The following CTNND2 variants were observed in gnomAD, a reference collection of about 807,000 sequenced individuals.
The protein encoded by CTNND2 is catenin delta 2.
In CTNND2, 22 loss-of-function variants were observed where a neutral mutation model predicts 144.4. That is an observed-to-expected ratio of 0.15 (90% CI 0.11 to 0.22). CTNND2 has a LOEUF of 0.22. Ranked by LOEUF, CTNND2 falls within the 10% of genes least tolerant of loss-of-function variation. The probability of loss-of-function intolerance (pLI) is 1.00; values close to 1 mark genes in which losing one functional copy is unlikely to be tolerated. For synonymous variants in CTNND2, 751 were observed against 695.6 expected (o/e 1.08, Z -1.25); for missense variants, 1,353 against 1,618.8 (o/e 0.84, Z 2.82).
intron 3 of CTNND2, among the ~76,000 whole-genome samples, chr5:11,414,633 C>A (rs141763519): frequency 2.2e-4 from 34 of 152,216 alleles, no homozygotes; most frequent in African/African-American, 6.7e-4. Flanking sequence ...GGGATCCATG[C>A]GAAGGTTTGT....
chr5:11,019,920 G>A (rs183968127), intron 17 of CTNND2, among the ~76,000 whole-genome samples: 12 of 152,324 alleles, frequency 7.9e-5, no homozygotes, highest in Non-Finnish European at 1.6e-4. Flanking sequence ...TGTCCATAAT[G>A]TATGTTTAAA....
At chr5:11,051,016 C>A (rs1745776078) in intron 16 of CTNND2, among the ~76,000 whole-genome samples, 1 of 152,206 alleles carries the variant, frequency 6.6e-6, no homozygotes, top group African/African-American at 2.4e-5. Flanking sequence ...AATGGCCAGC[C>A]CCCTTGCTAT....
intron 16 of CTNND2, among the ~76,000 whole-genome samples, chr5:11,056,335 T>C (rs1746348771): frequency 6.6e-6 from 1 of 152,132 alleles, no homozygotes; most frequent in Non-Finnish European, 1.5e-5. Context: ...TATTGAAAAA[T>C]GAGATGTAGA....
At chr5:11,115,139 C>A (rs1753415471) in intron 13 of CTNND2, among the ~76,000 whole-genome samples, 1 of 152,166 alleles carries the variant, frequency 6.6e-6, no homozygotes, top group African/African-American at 2.4e-5. Flanking sequence ...TGACTCCAGC[C>A]CTGAATACTC....
In CTNND2 at chr5:11,436,373, A is replaced by G. The variant is rs77780255; in HGVS notation, c.288-24304T>C. On this transcript the variant is annotated intron_variant, in intron 3 of 21. Transcript: ENST00000304623. ...TTAGAGCAATTTCTCAATGAGGAAG[A>G]ACCTTCTAAGTCCAGAATCTGATGT... is the stretch of plus-strand genomic sequence containing the variant. 1.8e-3 allele frequency among the ~76,000 whole-genome samples: 267 copies of G among 152,356 alleles called. 5 individuals carry two copies. The East Asian group carries it at 0.039, about 22-fold the overall frequency.
At chr5:11,814,414 C>T (rs947765834) in intron 1 of CTNND2, among the ~76,000 whole-genome samples, 1 of 152,192 alleles carries the variant, frequency 6.6e-6, no homozygotes, top group African/African-American at 2.4e-5. Context: ...CACTGATGGA[C>T]GTATTAACAC....
Position 11,881,231 on chromosome 5 carries a change from G to A in CTNND2, c.37+22586C>T, listed in dbSNP as rs773416460. Among the ~76,000 whole-genome samples the A allele has an allele frequency of 6.4e-4, 97 of 152,018 alleles. 1 individual carries two copies. Among genetic ancestry groups the A allele is most frequent in the Admixed American group, 1.7e-3 (26 of 15,272 alleles). ...TGCTATTTCAATACATGTATACAATGTGTAGTGATCAAATTAGAGTAACTG... is the reference window on the plus strand; with the variant it reads ...TGCTATTTCAATACATGTATACAATATGTAGTGATCAAATTAGAGTAACTG... On this transcript the variant is annotated intron_variant, in intron 1 of 21. Transcript: ENST00000304623.
At chr5:11,848,434 G>A (rs561493899) in intron 1 of CTNND2, among the ~76,000 whole-genome samples, 11 of 152,252 alleles carry the variant, frequency 7.2e-5, no homozygotes, top group African/African-American at 2.6e-4. Context: ...TTAATATAGT[G>A]CGTTTGATGT....
At position 11,350,393 on chromosome 5, in the gene CTNND2, T is replaced by G. The variant is rs1281956902; in HGVS notation, c.1373-3766A>C. ...TATATATAATTATCTTAATTTTATT[T>G]TAAACTGTTTTACATTTTAGTTTAA... On this transcript the variant is annotated intron_variant, in intron 8 of 21. Transcript: ENST00000304623. 2.0e-5 allele frequency among the ~76,000 whole-genome samples: 3 copies of G among 151,880 alleles called. No homozygotes were observed. In the East Asian group the frequency reaches 5.8e-4, roughly 29 times the overall value.
intron 3 of CTNND2, among the ~76,000 whole-genome samples, chr5:11,535,187 TAAAA>T (rs11398798): frequency 1.5e-5 from 2 of 133,734 alleles, no homozygotes; most frequent in Non-Finnish European, 3.3e-5. Context: ...TACTCTGTCT[TAAAA>T]AAAAAAAAAA....
intron 1 of CTNND2, among the ~76,000 whole-genome samples, chr5:11,767,229 A>G (rs933808254): frequency 6.6e-5 from 10 of 152,224 alleles, no homozygotes; most frequent in African/African-American, 2.2e-4. Context: ...TGTGCAACCT[A>G]TGCAGCTGTG....
chr5:11,314,744 C>T (rs1387865354), intron 9 of CTNND2, among the ~76,000 whole-genome samples: 2 of 152,136 alleles, frequency 1.3e-5, no homozygotes, highest in African/African-American at 2.4e-5. Flanking sequence ...TCTGTTTGAA[C>T]CTCAAAGCTG....
intron 3 of CTNND2, among the ~76,000 whole-genome samples, chr5:11,543,391 T>C (rs2150072607): frequency 6.6e-6 from 1 of 152,304 alleles, no homozygotes; most frequent in South Asian, 2.1e-4. Flanking sequence ...TACATACAGG[T>C]ATCTACAGAT....
At chr5:11,634,608 GA>G (rs1476522332) in intron 2 of CTNND2, among the ~76,000 whole-genome samples, 1 of 152,148 alleles carries the variant, frequency 6.6e-6, no homozygotes, top group Non-Finnish European at 1.5e-5. Context: ...GTCAGATCAG[GA>G]AAGTTGAATA....
intron 10 of CTNND2, among the ~76,000 whole-genome samples, chr5:11,229,189 G>A (rs1369293199): frequency 1.3e-5 from 2 of 152,070 alleles, no homozygotes; most frequent in African/African-American, 4.8e-5. Flanking sequence ...CACATATAAA[G>A]TCACATAATA....
intron 3 of CTNND2, among the ~76,000 whole-genome samples, chr5:11,498,801 G>A (rs1770241669): frequency 6.6e-6 from 1 of 152,154 alleles, no homozygotes; most frequent in African/African-American, 2.4e-5. Context: ...TTTTAACAGT[G>A]AGGTTTTCTA....
chr5:11,304,101 T>C (rs1194425008), intron 9 of CTNND2, among the ~76,000 whole-genome samples: 1 of 152,142 alleles, frequency 6.6e-6, no homozygotes, highest in Non-Finnish European at 1.5e-5. Flanking sequence ...AATCTCTTTT[T>C]CTTTATAAAT....
intron 1 of CTNND2, among the ~76,000 whole-genome samples, chr5:11,840,272 T>A (rs1794392589): frequency 6.6e-6 from 1 of 152,172 alleles, no homozygotes; most frequent in African/African-American, 2.4e-5. Context: ...AAATCGCTCA[T>A]CAAAGATGCT....
At chr5:11,712,589 T>C (rs1017540771) in intron 2 of CTNND2, among the ~76,000 whole-genome samples, 1 of 152,226 alleles carries the variant, frequency 6.6e-6, no homozygotes, top group East Asian at 1.9e-4. Flanking sequence ...AAAGTACTTG[T>C]AAAGTTCAAA....
Sources: gnomAD v4.1 joint callset for allele counts (sites outside exome capture counted in the v4.1 genomes callset) on GRCh38, gnomAD v4.1.1 for gene constraint, MANE v1.5 for transcripts, NCBI Gene and HGNC (gene_info 2026-07-23, HGNC 2026-07-21) for gene names.